MYO5B: variants seen among roughly 807,000 people sequenced by gnomAD.
MYO5B encodes the protein unconventional myosin-Vb.
A neutral mutation model predicts 229.3 loss-of-function variants in MYO5B; 143 were observed. The observed-to-expected ratio is 0.62, with a 90% CI of 0.54 to 0.72. The LOEUF is 0.72. Among genes scored for constraint, MYO5B ranks in the 30% least tolerant of loss-of-function variants. MYO5B has a pLI of 0.00. For synonymous variants in MYO5B, 918 were observed against 885.2 expected (o/e 1.04, Z -0.66); for missense variants, 2,321 against 2,331.0 (o/e 1.00, Z 0.09).
At chr18:49,849,100 A>G (rs555056263) in intron 32 of MYO5B, among the ~76,000 whole-genome samples, 1 of 152,020 alleles carries the variant, frequency 6.6e-6, no homozygotes, top group Non-Finnish European at 1.5e-5. Context: ...AGTCAGAGGG[A>G]GAGAACATTC....
intron 1 of MYO5B, among the ~76,000 whole-genome samples, chr18:50,193,683 C>T (rs1049935309): frequency 1.9e-4 from 29 of 152,362 alleles, no homozygotes; most frequent in Admixed American, 1.9e-3. Flanking sequence ...TGTGCATAGG[C>T]ACTGTTAAAC....
chr18:49,938,439 G>A (rs2025275023), intron 14 of MYO5B, among the ~76,000 whole-genome samples: 1 of 152,078 alleles, frequency 6.6e-6, no homozygotes, highest in Non-Finnish European at 1.5e-5. Flanking sequence ...CACTCCTGCA[G>A]GGGTTGGGGG....
chr18:50,100,666 C>G (rs2031637194), intron 1 of MYO5B, among the ~76,000 whole-genome samples: 1 of 152,218 alleles, frequency 6.6e-6, no homozygotes, highest in Admixed American at 6.5e-5. Flanking sequence ...GGCCAAAAGC[C>G]ACATACTATG....
At chr18:49,861,267 G>A (rs2024325467) in intron 29 of MYO5B, among the ~76,000 whole-genome samples, 1 of 152,136 alleles carries the variant, frequency 6.6e-6, no homozygotes, top group South Asian at 2.1e-4. Flanking sequence ...TGCTGTAAAG[G>A]AAGACAAATC....
At chr18:50,031,075 C>T (rs12455913) in intron 4 of MYO5B, among the ~76,000 whole-genome samples, 112,450 of 151,954 alleles carry the variant, frequency 0.74, 42,325 homozygotes, top group Admixed American at 0.82. Flanking sequence ...AGAATCTGCT[C>T]TGTTCTGACA....
chr18:49,842,002 G>A (rs2024063735), intron 34 of MYO5B, among the ~76,000 whole-genome samples: 1 of 151,980 alleles, frequency 6.6e-6, no homozygotes, highest in Non-Finnish European at 1.5e-5. Flanking sequence ...TGAGACAGCT[G>A]CTGCATTAAA....
chr18:50,096,283 C>T (rs2031548825), intron 1 of MYO5B, among the ~76,000 whole-genome samples: 1 of 152,194 alleles, frequency 6.6e-6, no homozygotes, highest in Non-Finnish European at 1.5e-5. Context: ...ATTGTGTGCT[C>T]ACCCAACATC....
chr18:49,868,525 C>T lies in MYO5B; in HGVS notation c.3603+3642G>A, dbSNP rs555492970. On this transcript the variant is annotated intron_variant, in intron 27 of 39. Coordinates refer to ENST00000285039, the MANE Select transcript of MYO5B (RefSeq NM_001080467.3). ...AATCCAGCTCTGGCTGATAGCAGGT[C>T]GATAAAGAAAAACCAACACTGCTGC... is the stretch of plus-strand genomic sequence containing the variant. Among the ~76,000 whole-genome samples, 255 of 152,274 alleles carry T rather than the reference C, an allele frequency of 1.7e-3. 1 individual carries two copies. In the Middle Eastern group the frequency reaches 0.017, roughly 10 times the overall value.
chr18:49,893,240 T>G (rs1364289003), intron 22 of MYO5B, among the ~76,000 whole-genome samples: 1 of 152,176 alleles, frequency 6.6e-6, no homozygotes, highest in Non-Finnish European at 1.5e-5. Context: ...ATCTGCTGGG[T>G]AAACAGACTT....
At chr18:50,154,394 C>T (rs1041890746) in intron 1 of MYO5B, among the ~76,000 whole-genome samples, 11 of 152,176 alleles carry the variant, frequency 7.2e-5, no homozygotes, top group African/African-American at 2.7e-4. Context: ...TCTGGCTCCT[C>T]TAATTTTAAG....
At chr18:50,070,390 C>T (rs542404799) in intron 1 of MYO5B, among the ~76,000 whole-genome samples, 1 of 152,174 alleles carries the variant, frequency 6.6e-6, no homozygotes, top group South Asian at 2.1e-4. Context: ...TTCTAGACTG[C>T]TTGCTTCTAG....
chr18:49,974,281 C>A (rs999238167), intron 10 of MYO5B, 69 bp downstream of exon 10: 1 of 1,605,882 alleles, frequency 6.2e-7, no homozygotes, highest in African/African-American at 1.3e-5. Flanking sequence ...AATGCCCCTG[C>A]TGGCTGTAAA....
At chr18:50,037,575 C>T (rs1418730724) in intron 3 of MYO5B, among the ~76,000 whole-genome samples, 1 of 152,162 alleles carries the variant, frequency 6.6e-6, no homozygotes, top group Non-Finnish European at 1.5e-5. Context: ...CTGCATTTAT[C>T]TGGGACATCC....
At chr18:49,956,240 C>A (rs1187067708) in intron 12 of MYO5B, among the ~76,000 whole-genome samples, 1 of 152,174 alleles carries the variant, frequency 6.6e-6, no homozygotes, top group Non-Finnish European at 1.5e-5. Flanking sequence ...GTTTGCCAGG[C>A]CATTTTCTAC....
chr18:50,033,009 T>C lies in MYO5B; in HGVS notation c.455+3841A>G, dbSNP rs543379133. Among the ~76,000 whole-genome samples the C allele has an allele frequency of 4.6e-5, 7 of 152,216 alleles. No individual in the cohort carries two copies. In the South Asian group the frequency reaches 1.5e-3, roughly 32 times the overall value. The stretch of plus-strand genomic sequence containing the variant: ...CTCAAAAAAAAAAAATGTGTTTTCA[T>C]TTCTCTTGGGTGCATACCTAAGAAT... On this transcript the variant is annotated intron_variant, in intron 4 of 39. Transcript: ENST00000285039.
intron 12 of MYO5B, among the ~76,000 whole-genome samples, chr18:49,955,445 C>A (rs2025482051): frequency 6.6e-6 from 1 of 152,166 alleles, no homozygotes; most frequent in Admixed American, 6.5e-5. Flanking sequence ...AGTGACGGGT[C>A]ACTAACTGAC....
intron 26 of MYO5B, among the ~76,000 whole-genome samples, chr18:49,873,242 T>C (rs2024476802): frequency 6.6e-6 from 1 of 152,238 alleles, no homozygotes; most frequent in Admixed American, 6.5e-5. Flanking sequence ...TAGAAACAGC[T>C]TCATAAATGG....
chr18:50,186,130 A>G (rs922617255), intron 1 of MYO5B, among the ~76,000 whole-genome samples: 1 of 152,192 alleles, frequency 6.6e-6, no homozygotes. Flanking sequence ...TTTCGCATAC[A>G]TTTTTCTAAG....
intron 1 of MYO5B, among the ~76,000 whole-genome samples, chr18:50,081,871 C>G (rs1027721577): frequency 3.3e-5 from 5 of 152,148 alleles, no homozygotes; most frequent in Admixed American, 1.3e-4. Context: ...TGAGGCTAGC[C>G]TGATGGTCTT....
Sources: gnomAD v4.1 joint callset for allele counts (sites outside exome capture counted in the v4.1 genomes callset) on GRCh38, gnomAD v4.1.1 for gene constraint, MANE v1.5 for transcripts, NCBI Gene and HGNC (gene_info 2026-07-23, HGNC 2026-07-21) for gene names.